The following NSUN4 variants were observed in gnomAD, a reference collection of about 807,000 sequenced individuals.
The protein encoded by NSUN4 is NOP2/Sun RNA methyltransferase 4.
NSUN4 carries 31 observed loss-of-function variants against 43.8 expected under a neutral mutation model. That is an observed-to-expected ratio of 0.71 (90% CI 0.53 to 0.96). The LOEUF (loss-of-function observed/expected upper bound fraction) is 0.96, where lower values mean the gene tolerates loss of function less well. NSUN4 is among the 40% of genes least tolerant of loss of function. The pLI is 0.00. For synonymous variants in NSUN4, 167 were observed against 184.1 expected (o/e 0.91, Z 0.75); for missense variants, 439 against 475.6 (o/e 0.92, Z 0.72).
chr1:46,368,632 T>C (rs921935081), downstream of NSUN4, among the ~76,000 whole-genome samples: 6 of 152,128 alleles, frequency 3.9e-5, no homozygotes, highest in African/African-American at 1.2e-4. Flanking sequence ...CATGAACAAA[T>C]AAAGTAGTGG....
chr1:46,383,450 T>G, the NSUN4 span, among the ~76,000 whole-genome samples: 1 of 124,638 alleles, frequency 8.0e-6, no homozygotes, highest in African/African-American at 3.5e-5. Context: ...TGGCTGGTGT[T>G]TTTTTTTTTT....
At chr1:46,381,960 C>T in the NSUN4 span, among the ~76,000 whole-genome samples, 6 of 152,210 alleles carry the variant, frequency 3.9e-5, no homozygotes, top group Admixed American at 6.5e-5. Context: ...GACAGAAACG[C>T]GAGGATTTGG....
chr1:46,362,452 T>C lies in NSUN4; in HGVS notation c.*606T>C, dbSNP rs1663943528. ...CATTGGAAAAACCCTCTGAGCTGAA[T>C]AATTCTGGCCATTCCTGCTGTCAAC... On this transcript the variant is annotated 3_prime_UTR_variant, in exon 6 of 6. Transcript: ENST00000474844. 6.5e-6 allele frequency: 1 copy of C among 152,704 alleles called. No individual in the cohort carries two copies. The allele number at this position is 152,704 out of a possible 1,614,324, so 9.5% of individuals were successfully genotyped here.
the NSUN4 span, among the ~76,000 whole-genome samples, chr1:46,375,110 AC>A: frequency 1.3e-5 from 2 of 152,166 alleles, no homozygotes; most frequent in East Asian, 3.8e-4. Flanking sequence ...CCCTGACTAA[AC>A]TGACCAAGAA....
At chr1:46,373,919 G>A in the NSUN4 span, among the ~76,000 whole-genome samples, 1 of 151,856 alleles carries the variant, frequency 6.6e-6, no homozygotes, top group East Asian at 1.9e-4. Context: ...TGTGGGGTAA[G>A]GCGTTGGGGG....
chr1:46,372,769 C>T, the NSUN4 span, among the ~76,000 whole-genome samples: 1 of 152,314 alleles, frequency 6.6e-6, no homozygotes, highest in South Asian at 2.1e-4. Context: ...TGTTGCCAGG[C>T]TGGAGTGCAA....
chr1:46,352,321 G>A (rs984781981), intron 3 of NSUN4, among the ~76,000 whole-genome samples: 1 of 152,142 alleles, frequency 6.6e-6, no homozygotes, highest in African/African-American at 2.4e-5. Context: ...GTATAGTGGT[G>A]CACACCCATA....
chr1:46,348,217 G>A (rs954519288), intron 3 of NSUN4, among the ~76,000 whole-genome samples: 4 of 152,094 alleles, frequency 2.6e-5, no homozygotes, highest in Non-Finnish European at 5.9e-5. Context: ...TCCACTGGCT[G>A]ATATCCTGCC....
chr1:46,376,967 A>G, the NSUN4 span, among the ~76,000 whole-genome samples: 1 of 151,880 alleles, frequency 6.6e-6, no homozygotes, highest in East Asian at 1.9e-4. Flanking sequence ...CATGTTGGCT[A>G]TACTGATCTC....
At chr1:46,365,689 A>G (rs1331844776), downstream of NSUN4, among the ~76,000 whole-genome samples, 1 of 152,150 alleles carries the variant, frequency 6.6e-6, no homozygotes, top group African/African-American at 2.4e-5. Flanking sequence ...GCTAGGTCAT[A>G]TGGTAAATGT....
chr1:46,375,151 T>C, the NSUN4 span, among the ~76,000 whole-genome samples: 1 of 152,018 alleles, frequency 6.6e-6, no homozygotes, highest in Admixed American at 6.6e-5. Flanking sequence ...ATATCAAGAA[T>C]GGGGCCAGGC....
Position 46,353,117 on chromosome 1 carries a change from C to T in NSUN4, c.753+89C>T. 6 of 1,266,716 alleles carry T rather than the reference C, an allele frequency of 4.7e-6. No homozygotes were observed. In the South Asian group the frequency reaches 7.8e-5, roughly 16 times the overall value. 78.5% of individuals were successfully genotyped at this position (1,266,716 alleles called of 1,614,324 possible). A position where few individuals can be genotyped will look rare whatever the true frequency, so the allele number is the denominator to read the frequency against. ...GGCCTGAGGGGTTAGGATCCAGCCC[C>T]TATGTTTGAGCATGTAGAGCTGTTT... On this transcript the variant is annotated intron_variant, in intron 4 of 5. Transcript: ENST00000474844.
At chr1:46,347,433 G>GTC (rs1309650757) in intron 3 of NSUN4, among the ~76,000 whole-genome samples, 1 of 152,132 alleles carries the variant, frequency 6.6e-6, no homozygotes, top group Non-Finnish European at 1.5e-5. Context: ...GTGAAACCCT[G>GTC]TCTCACACAC....
At chr1:46,342,311 C>T (rs1662171249) in intron 1 of NSUN4, 1 of 399,226 alleles carries the variant, frequency 2.5e-6, no homozygotes, top group Admixed American at 4.4e-5. Flanking sequence ...TTGACCTGCC[C>T]CTTGAGAAAA....
chr1:46,368,904 TTCTC>T (rs898504839), downstream of NSUN4, among the ~76,000 whole-genome samples: 1 of 152,176 alleles, frequency 6.6e-6, no homozygotes, highest in African/African-American at 2.4e-5. Flanking sequence ...AGATCCTTTG[TTCTC>T]TCTCCATTGC....
At chr1:46,377,215 A>G in the NSUN4 span, among the ~76,000 whole-genome samples, 1 of 151,778 alleles carries the variant, frequency 6.6e-6, no homozygotes, top group East Asian at 1.9e-4. Context: ...ACACCCGAGT[A>G]ATTTTTGTAT....
At chr1:46,347,225 G>A (rs1184032104) in intron 3 of NSUN4, 150 bp downstream of exon 3, 2 of 705,236 alleles carry the variant, frequency 2.8e-6, no homozygotes, top group Non-Finnish European at 4.6e-6. Flanking sequence ...ACCACCTGAT[G>A]TCAGGAGTTC....
the NSUN4 span, among the ~76,000 whole-genome samples, chr1:46,383,657 G>A: frequency 6.6e-6 from 1 of 151,460 alleles, no homozygotes; most frequent in African/African-American, 2.4e-5. Context: ...GGGTTTCACT[G>A]TGTTAGCCAG....
intron 3 of NSUN4, among the ~76,000 whole-genome samples, chr1:46,347,896 G>A (rs79490411): frequency 0.21 from 29,072 of 139,964 alleles, 3,653 homozygotes; most frequent in Non-Finnish European, 0.29. Context: ...TCTTTTTTTC[G>A]AGATGGAGTC....
Sources: gnomAD v4.1 joint callset for allele counts (sites outside exome capture counted in the v4.1 genomes callset) on GRCh38, gnomAD v4.1.1 for gene constraint, MANE v1.5 for transcripts, NCBI Gene and HGNC (gene_info 2026-07-23, HGNC 2026-07-21) for gene names.